The following PARP4 variants were observed in gnomAD, a reference collection of about 807,000 sequenced individuals.
PARP4 encodes the protein poly(ADP-ribose) polymerase family member 4.
Under a neutral mutation model 187.7 loss-of-function variants are expected in PARP4, and 120 were observed. That is an observed-to-expected ratio of 0.64 (90% CI 0.55 to 0.74). The LOEUF (loss-of-function observed/expected upper bound fraction) is 0.74, where lower values mean the gene tolerates loss of function less well. PARP4 is among the 30% of genes least tolerant of loss of function. The probability of loss-of-function intolerance (pLI) is 0.00; values close to 1 mark genes in which losing one functional copy is unlikely to be tolerated. For missense variants in PARP4, 1,836 were observed against 2,070.5 expected (o/e 0.89, Z 2.20); for synonymous variants, 654 against 740.9 (o/e 0.88, Z 1.90).
At chr13:24,449,678 T>G (rs1871404719) in intron 25 of PARP4, 40 bp downstream of exon 25, 1 of 1,093,928 alleles carries the variant, frequency 9.1e-7, no homozygotes, top group Non-Finnish European at 1.4e-6. Flanking sequence ...ATAAGAGATT[T>G]CCAAACATAA....
At chr13:24,457,216 TA>T (rs746136490) in intron 20 of PARP4, among the ~76,000 whole-genome samples, 43 of 152,326 alleles carry the variant, frequency 2.8e-4, no homozygotes, top group Middle Eastern at 3.4e-3. Context: ...GTTGAAAATG[TA>T]AATAAGCTTT....
intron 1 of PARP4, among the ~76,000 whole-genome samples, chr13:24,510,013 T>C (rs1183275170): frequency 1.3e-5 from 2 of 152,202 alleles, no homozygotes; most frequent in African/African-American, 4.8e-5. Context: ...ACTGTTGATA[T>C]TTTAATTTTT....
chr13:24,445,151 C>T (rs1030629791), intron 27 of PARP4, among the ~76,000 whole-genome samples: 9 of 152,266 alleles, frequency 5.9e-5, no homozygotes, highest in Admixed American at 2.0e-4. Flanking sequence ...TCACGTGGCT[C>T]GTGCACACGT....
At chr13:24,438,683 G>A (rs1162668013) in intron 30 of PARP4, among the ~76,000 whole-genome samples, 1 of 152,224 alleles carries the variant, frequency 6.6e-6, no homozygotes, top group Non-Finnish European at 1.5e-5. Context: ...GAGGACAAGA[G>A]CACACAGCAC....
In PARP4 at chr13:24,428,379, T is replaced by G. The variant is rs537080718; in HGVS notation, c.4847-1781A>C. On this transcript the variant is annotated intron_variant, in intron 32 of 33. Coordinates refer to ENST00000381989, the MANE Select transcript of PARP4 (RefSeq NM_006437.4). ...TGCTCTGCTCAGTCCACCTTCTTTCTTTGGGTGATCTCATCCAGAGCCAGG... is the reference window on the plus strand; with the variant it reads ...TGCTCTGCTCAGTCCACCTTCTTTCGTTGGGTGATCTCATCCAGAGCCAGG... 4.9e-4 allele frequency among the ~76,000 whole-genome samples: 75 copies of G among 152,374 alleles called. 1 individual carries two copies. Among genetic ancestry groups the G allele is most frequent in the African/African-American group, 1.7e-3 (70 of 41,592 alleles).
chr13:24,498,543 A>G (rs1364051446), intron 5 of PARP4, among the ~76,000 whole-genome samples: 3 of 152,192 alleles, frequency 2.0e-5, no homozygotes, highest in Non-Finnish European at 4.4e-5. Flanking sequence ...TTTTATTAAC[A>G]TATCTCAAAA....
chr13:24,433,683 G>A (rs1482216800), intron 31 of PARP4, among the ~76,000 whole-genome samples: 1 of 152,182 alleles, frequency 6.6e-6, no homozygotes, highest in East Asian at 1.9e-4. Flanking sequence ...ACTCTGTGAA[G>A]TAGACACTAT....
intron 12 of PARP4, among the ~76,000 whole-genome samples, chr13:24,479,461 G>A (rs185027988): frequency 2.6e-5 from 4 of 152,304 alleles, no homozygotes; most frequent in Admixed American, 2.6e-4. Context: ...TGGGGACGTG[G>A]AGAACCTTTA....
chr13:24,502,179 GTTA>G (rs1287314990), intron 2 of PARP4, among the ~76,000 whole-genome samples: 4 of 151,908 alleles, frequency 2.6e-5, no homozygotes, highest in African/African-American at 7.3e-5. Context: ...AGGTTCAAAG[GTTA>G]TTATTTATTT....
intron 16 of PARP4, 108 bp downstream of exon 16, chr13:24,469,786 G>A: frequency 8.8e-7 from 1 of 1,130,054 alleles, no homozygotes; most frequent in Non-Finnish European, 1.3e-6. Context: ...TTTATGATAA[G>A]GCTGCTACTC....
rs138657000 is a variant in PARP4 at position 24,434,505 on chromosome 13, C to T, written c.4636G>A (p.Asp1546Asn). 2.0e-5 allele frequency: 33 copies of T among 1,613,808 alleles called. No homozygotes were observed. The African/African-American group carries it at 4.0e-4, about 20-fold the overall frequency. The change falls in exon 31 of 34, where the codon GAT becomes AAT. Residue 1546 changes from aspartate to asparagine, a missense_variant. By Grantham distance (23) the Asp-to-Asn change is conservative. Transcript: ENST00000381989. ...CFLQIKCDTK[D>N]DSILCFLEVK... ...TCCAGAAAGCACAGGATACTGTCAT[C>T]TTTTGTATCACATTTTATTTGTAAA...
At position 24,420,938 on chromosome 13, in the gene PARP4, A is replaced by T. The variant is rs1297803229; in HGVS notation, c.*181T>A. 3.1e-6 allele frequency: 2 copies of T among 639,572 alleles called. No homozygotes were observed. The highest frequency in any genetic ancestry group is 1.9e-5 in the African/African-American group (1 of 52,324). 39.6% of individuals were successfully genotyped at this position (639,572 alleles called of 1,614,324 possible). A position where few individuals can be genotyped will look rare whatever the true frequency, so the allele number is the denominator to read the frequency against. On this transcript the variant is annotated 3_prime_UTR_variant, in exon 34 of 34. Coordinates refer to ENST00000381989, the MANE Select transcript of PARP4 (RefSeq NM_006437.4). ...AGACACAGAAAACTGAAATATTTTA[A>T]GTTTCATTTTATTATTGCTTGTTAG...
At chr13:24,489,665 G>A (rs1386699741) in intron 10 of PARP4, among the ~76,000 whole-genome samples, 1 of 152,152 alleles carries the variant, frequency 6.6e-6, no homozygotes, top group Non-Finnish European at 1.5e-5. Context: ...CTTAGTAAAT[G>A]TGAAGTGGTT....
chr13:24,458,834 T>C (rs1431456031), intron 20 of PARP4, among the ~76,000 whole-genome samples: 1 of 152,126 alleles, frequency 6.6e-6, no homozygotes, highest in Non-Finnish European at 1.5e-5. Flanking sequence ...TATTTAAAAA[T>C]TGGAGGCAAA....
intron 5 of PARP4, among the ~76,000 whole-genome samples, chr13:24,499,092 A>G (rs1869124328): frequency 6.6e-6 from 1 of 152,150 alleles, no homozygotes; most frequent in South Asian, 2.1e-4. Flanking sequence ...TGAGCCCAGG[A>G]GTTCGAGACC....
intron 2 of PARP4, among the ~76,000 whole-genome samples, chr13:24,502,382 C>A (rs1181038758): frequency 6.6e-6 from 1 of 152,118 alleles, no homozygotes; most frequent in Non-Finnish European, 1.5e-5. Flanking sequence ...TGTAGAATAT[C>A]TAAAAAATAA....
intron 25 of PARP4, among the ~76,000 whole-genome samples, chr13:24,448,688 T>A (rs922033227): frequency 1.3e-5 from 2 of 152,222 alleles, no homozygotes; most frequent in African/African-American, 2.4e-5. Flanking sequence ...GCAGCATTAT[T>A]CACAATAGCC....
intron 1 of PARP4, among the ~76,000 whole-genome samples, chr13:24,512,502 A>C (rs1356197808): frequency 6.6e-6 from 1 of 152,142 alleles, no homozygotes; most frequent in Non-Finnish European, 1.5e-5. Context: ...CGCGGGGCAG[A>C]GCGGAACGAC....
chr13:24,473,744 T>C (rs1461425479), intron 15 of PARP4, among the ~76,000 whole-genome samples: 1 of 152,034 alleles, frequency 6.6e-6, no homozygotes. Flanking sequence ...CACCACACCA[T>C]CAAAAGGCAA....
Sources: gnomAD v4.1 joint callset for allele counts (sites outside exome capture counted in the v4.1 genomes callset) on GRCh38, gnomAD v4.1.1 for gene constraint, MANE v1.5 for transcripts, NCBI Gene and HGNC (gene_info 2026-07-23, HGNC 2026-07-21) for gene names.